The following RCBTB1 variants were observed in gnomAD, a reference collection of about 807,000 sequenced individuals.
RCBTB1 encodes RCC1 and BTB domain containing protein 1.
Under a neutral mutation model 62.4 loss-of-function variants are expected in RCBTB1, and 46 were observed. The observed-to-expected ratio is 0.74, with a 90% CI of 0.58 to 0.94. RCBTB1 has a LOEUF of 0.94. RCBTB1 is among the 40% of genes least tolerant of loss of function. The pLI is 0.00. For synonymous variants in RCBTB1, 222 were observed against 245.8 expected, an observed-to-expected ratio of 0.90 and a Z score of 0.91; for missense variants, 565 against 654.9, an observed-to-expected ratio of 0.86 and a Z score of 1.50.
chr13:49,579,350 G>A (rs1963961540), intron 2 of RCBTB1, among the ~76,000 whole-genome samples: 1 of 152,124 alleles, frequency 6.6e-6, no homozygotes, highest in Non-Finnish European at 1.5e-5. Context: ...GAGGCCGGGC[G>A]TGGTGGCTCA....
At chr13:49,570,828 A>T (rs1407481580) in intron 2 of RCBTB1, among the ~76,000 whole-genome samples, 2 of 152,168 alleles carry the variant, frequency 1.3e-5, no homozygotes, top group East Asian at 3.8e-4. Context: ...TGAGGAGGAG[A>T]CTGTAAACCA....
In RCBTB1 at chr13:49,534,241, T is replaced by A. The variant is rs1959758824; in HGVS notation, c.1477A>T (p.Lys493Ter). ...DAEDLEEFCF[K>*]FCINHLTEVT... ...TCTGTCAAATGATTGATGCAAAACT[T>A]AAAGCAGAATTCTTCTAAATCCTGG... Residue 493 changes from lysine (K) to a stop codon, truncating the protein, a stop_gained, in exon 13 of 13, where the codon AAG becomes TAG. Coordinates refer to ENST00000378302, the MANE Select transcript of RCBTB1 (RefSeq NM_018191.4). LOFTEE classifies it high-confidence loss of function. The A allele has an allele frequency of 6.2e-7, 1 of 1,613,410 alleles. No individual in the cohort carries two copies. Among genetic ancestry groups the A allele is most frequent in the African/African-American group, 1.3e-5 (1 of 74,880 alleles).
intron 12 of RCBTB1, among the ~76,000 whole-genome samples, chr13:49,540,291 A>AT (rs1313498805): frequency 6.6e-6 from 1 of 152,216 alleles, no homozygotes; most frequent in Non-Finnish European, 1.5e-5. Flanking sequence ...CTTCAAAAAA[A>AT]TGCACACAAA....
At chr13:49,556,279 C>A (rs1348870072) in intron 5 of RCBTB1, among the ~76,000 whole-genome samples, 1 of 151,358 alleles carries the variant, frequency 6.6e-6, no homozygotes, top group Non-Finnish European at 1.5e-5. Context: ...TCACTGCCAG[C>A]CCCGCCTCCC....
chr13:49,581,791 G>A (rs1008608509), intron 1 of RCBTB1, among the ~76,000 whole-genome samples: 29 of 152,200 alleles, frequency 1.9e-4, no homozygotes, highest in African/African-American at 6.3e-4. Flanking sequence ...GTCGAATGCT[G>A]CTGAGACACC....
chr13:49,572,960 C>T (rs1963506712), intron 2 of RCBTB1, among the ~76,000 whole-genome samples: 1 of 152,170 alleles, frequency 6.6e-6, no homozygotes, highest in Admixed American at 6.5e-5. Flanking sequence ...CAGGCCTTCC[C>T]TGACAGTCAA....
Position 49,541,768 on chromosome 13 carries a change from A to G in RCBTB1, c.1232T>C (p.Ile411Thr). 6.2e-7 allele frequency: 1 copy of G among 1,614,178 alleles called. No homozygotes were observed. The highest frequency in any genetic ancestry group is 8.5e-7 in the Non-Finnish European group (1 of 1,180,014). ...SYWNEDMKEV[I>T]EIDQFSYPVY... is the part of the protein sequence containing the mutation. ...TGGGTAAGAAAACTGATCGATTTCT[A>G]TCACTTCCTTCATGTCTTCATTCCA... The change falls in exon 11 of 13, where the codon ATA becomes ACA. Residue 411 changes from isoleucine to threonine, a missense_variant. Coordinates refer to ENST00000378302, the MANE Select transcript of RCBTB1 (RefSeq NM_018191.4).
At chr13:49,553,538 G>A (rs1455297419) in intron 6 of RCBTB1, among the ~76,000 whole-genome samples, 1 of 152,160 alleles carries the variant, frequency 6.6e-6, no homozygotes. Flanking sequence ...AAGTAACAGA[G>A]CTAGGCATAG....
intron 4 of RCBTB1, among the ~76,000 whole-genome samples, chr13:49,560,781 T>C (rs903905120): frequency 6.6e-6 from 1 of 152,216 alleles, no homozygotes; most frequent in Non-Finnish European, 1.5e-5. Flanking sequence ...TAGCAACACC[T>C]GGAGGCATTG....
At chr13:49,563,381 G>GT (rs1962622843) in intron 4 of RCBTB1, among the ~76,000 whole-genome samples, 1 of 56,054 alleles carries the variant, frequency 1.8e-5, no homozygotes, top group Admixed American at 1.9e-4. Flanking sequence ...AAAAAAAAAA[G>GT]GCCAGGCACA....
chr13:49,556,877 G>A (rs9568255), intron 5 of RCBTB1, among the ~76,000 whole-genome samples: 1 of 151,956 alleles, frequency 6.6e-6, no homozygotes, highest in East Asian at 1.9e-4. Flanking sequence ...GAACCCAGCC[G>A]GCATAAATTA....
At position 49,544,859 on chromosome 13, in the gene RCBTB1, A is replaced by C. The variant is rs752714159; in HGVS notation, c.1050T>G (p.His350Gln). 1.2e-6 allele frequency: 2 copies of C among 1,610,724 alleles called. No homozygotes were observed. The highest frequency in any genetic ancestry group is 2.2e-5 in the South Asian group (2 of 90,964). ...ACTCTGCAACTGTTAAAAAGTCTTCATGCTCTGAAGGCAACAAACATATAT... is the reference window on the plus strand; with the variant it reads ...ACTCTGCAACTGTTAAAAAGTCTTCCTGCTCTGAAGGCAACAAACATATAT... ...AVSWRLLSVE[H>Q]EDFLTVAESL... Residue 350 changes from histidine to glutamine, a missense_variant, in exon 10 of 13, where the codon CAT (histidine) becomes CAG (glutamine). His to Gln is a conservative substitution (Grantham distance 24, BLOSUM62 0). Coordinates refer to ENST00000378302, the MANE Select transcript of RCBTB1 (RefSeq NM_018191.4).
rs193292487 is a variant in RCBTB1 at position 49,547,106 on chromosome 13, T to C, written c.1046-2243A>G. ...AGAAGTGCTTCAGCTGGGTATGCCA[T>C]ACATGTGCAATTCTGGCCAAATAGT... is the stretch of plus-strand genomic sequence containing the variant. On this transcript the variant is annotated intron_variant, in intron 9 of 12. Transcript: ENST00000378302. 5 of 1,285,846 alleles carry C rather than the reference T, an allele frequency of 3.9e-6. No homozygotes were observed. The East Asian group carries it at 2.8e-4, about 72-fold the overall frequency. The allele number at this position is 1,285,846 out of a possible 1,614,324, so 79.7% of individuals were successfully genotyped here. A position where few individuals can be genotyped will look rare whatever the true frequency, so the allele number is the denominator to read the frequency against.
chr13:49,547,532 A>G (rs1249651790), intron 9 of RCBTB1, among the ~76,000 whole-genome samples: 1 of 152,236 alleles, frequency 6.6e-6, no homozygotes, highest in African/African-American at 2.4e-5. Flanking sequence ...GAAATAAAAT[A>G]AAAAGATTAA....
intron 6 of RCBTB1, 79 bp from the exon 7 acceptor site, chr13:49,552,364 A>G (rs1961443545): frequency 7.3e-6 from 6 of 824,794 alleles, no homozygotes; most frequent in Non-Finnish European, 1.2e-5. Context: ...CAGCCCATCT[A>G]AACAAATCAG....
At chr13:49,559,409 C>A (rs1458789405) in intron 5 of RCBTB1, among the ~76,000 whole-genome samples, 1 of 152,162 alleles carries the variant, frequency 6.6e-6, no homozygotes, top group Non-Finnish European at 1.5e-5. Flanking sequence ...GTAATCCCAG[C>A]ACTTTTGGAG....
intron 4 of RCBTB1, among the ~76,000 whole-genome samples, chr13:49,561,806 A>G (rs1962446634): frequency 6.6e-6 from 1 of 152,072 alleles, no homozygotes; most frequent in South Asian, 2.1e-4. Flanking sequence ...AAAACCTATA[A>G]CAAGTTTCTA....
intron 12 of RCBTB1, among the ~76,000 whole-genome samples, chr13:49,540,468 G>A (rs529721381): frequency 2.6e-5 from 4 of 152,334 alleles, no homozygotes; most frequent in African/African-American, 4.8e-5. Context: ...AGCGTACACA[G>A]ATACAAATCA....
At chr13:49,539,047 T>A (rs868446427) in intron 12 of RCBTB1, among the ~76,000 whole-genome samples, 11 of 152,056 alleles carry the variant, frequency 7.2e-5, no homozygotes, top group South Asian at 4.1e-4. Flanking sequence ...TTTTTGTATT[T>A]TTAGTAGAGA....
Sources: allele counts gnomAD v4.1 joint callset (sites outside exome capture counted in the v4.1 genomes callset), GRCh38; gene constraint gnomAD v4.1.1; transcripts MANE v1.5; gene names NCBI Gene and HGNC (gene_info 2026-07-23, HGNC 2026-07-21).